The following JMJD1C variants were observed in gnomAD, a reference collection of about 807,000 sequenced individuals.
JMJD1C encodes the protein jumonji domain-containing protein 1C.
In JMJD1C, 31 loss-of-function variants were observed where a neutral mutation model predicts 245.3. The observed-to-expected ratio is 0.13, with a 90% CI of 0.09 to 0.17. JMJD1C has a LOEUF of 0.17. Among genes scored for constraint, JMJD1C ranks in the 10% least tolerant of loss-of-function variants. JMJD1C has a pLI of 1.00. For synonymous variants in JMJD1C, 1,057 were observed against 1,017.4 expected (o/e 1.04, Z -0.74); for missense variants, 2,691 against 3,000.2 (o/e 0.90, Z 2.41).
chr10:63,469,549 G>A (rs1357411121), upstream of JMJD1C, among the ~76,000 whole-genome samples: 1 of 152,012 alleles, frequency 6.6e-6, no homozygotes, highest in Non-Finnish European at 1.5e-5. Flanking sequence ...TTACTATGTG[G>A]GTCACATCCT....
At chr10:63,173,353 G>C (rs1331144571) in intron 24 of JMJD1C, among the ~76,000 whole-genome samples, 1 of 152,080 alleles carries the variant, frequency 6.6e-6, no homozygotes, top group African/African-American at 2.4e-5. Context: ...GTGATCTTGG[G>C]CTAGGCAACA....
At chr10:63,333,902 G>GT (rs1310630104) in intron 2 of JMJD1C, among the ~76,000 whole-genome samples, 2 of 151,998 alleles carry the variant, frequency 1.3e-5, no homozygotes, top group African/African-American at 4.8e-5. Context: ...CAAAATATCT[G>GT]TATCTATAGA....
intron 24 of JMJD1C, among the ~76,000 whole-genome samples, chr10:63,174,569 C>T (rs1294576941): frequency 6.6e-6 from 1 of 152,168 alleles, no homozygotes; most frequent in Non-Finnish European, 1.5e-5. Context: ...CATGGTGGCT[C>T]ATGCCTGTAA....
chr10:63,308,461 G>C (rs1395074693), intron 2 of JMJD1C, among the ~76,000 whole-genome samples: 1 of 151,880 alleles, frequency 6.6e-6, no homozygotes, highest in Non-Finnish European at 1.5e-5. Flanking sequence ...AAATTTAAAG[G>C]GTCCACGAAC....
At chr10:63,245,565 C>A (rs1852102053) in intron 3 of JMJD1C, among the ~76,000 whole-genome samples, 1 of 144,616 alleles carries the variant, frequency 6.9e-6, no homozygotes, top group African/African-American at 2.5e-5. Context: ...TCACTGCAAT[C>A]TCTGCCTCCC....
chr10:63,467,575 C>T (rs997671098), upstream of JMJD1C, among the ~76,000 whole-genome samples: 2 of 152,222 alleles, frequency 1.3e-5, no homozygotes, highest in African/African-American at 4.8e-5. Flanking sequence ...CCCAAAAATG[C>T]ATATCGGCAA....
intron 24 of JMJD1C, among the ~76,000 whole-genome samples, chr10:63,170,108 G>A (rs1462501321): frequency 1.3e-5 from 2 of 152,120 alleles, no homozygotes; most frequent in African/African-American, 2.4e-5. Flanking sequence ...AAAATCATTT[G>A]TAGCTCCAAA....
At chr10:63,304,369 C>T (rs1937711136) in intron 2 of JMJD1C, among the ~76,000 whole-genome samples, 1 of 151,954 alleles carries the variant, frequency 6.6e-6, no homozygotes, top group African/African-American at 2.4e-5. Flanking sequence ...TTGCTGGCTA[C>T]ATCTGAGAGA....
At chr10:63,403,917 T>C (rs769719638) in intron 1 of JMJD1C, among the ~76,000 whole-genome samples, 10 of 150,202 alleles carry the variant, frequency 6.7e-5, no homozygotes, top group East Asian at 2.0e-4. Context: ...GCCTGGGCGA[T>C]AGAGTGAGAC....
intron 1 of JMJD1C, among the ~76,000 whole-genome samples, chr10:63,426,401 A>G (rs1168171230): frequency 2.6e-5 from 4 of 152,082 alleles, no homozygotes; most frequent in Admixed American, 2.6e-4. Flanking sequence ...TTACTACTAC[A>G]CAGTAAATAT....
At chr10:63,491,071 G>A (rs1043696464) in intron 1 of JMJD1C, among the ~76,000 whole-genome samples, 2 of 152,164 alleles carry the variant, frequency 1.3e-5, no homozygotes, top group African/African-American at 4.8e-5. Flanking sequence ...TTGCCCTGTG[G>A]TCACACAATT....
At position 63,326,407 on chromosome 10, in the gene JMJD1C, AAT is replaced by A. The variant is rs1941513434; in HGVS notation, c.333+53909_333+53910del. On this transcript the variant is annotated intron_variant, in intron 2 of 25. Transcript: ENST00000399262. ...AAATAAATAAATAAATAAATAAATA[AAT>A]AAATAAATAAATAAATAAAGATAAT... 2.0e-5 allele frequency among the ~76,000 whole-genome samples: 3 copies of A among 150,436 alleles called. No individual in the cohort carries two copies. The South Asian group carries it at 6.2e-4, about 31-fold the overall frequency.
At position 63,309,494 on chromosome 10, in the gene JMJD1C, CAAAAAAAA is replaced by C. The variant is rs71025153; in HGVS notation, c.334-44738_334-44731del. Among the ~76,000 whole-genome samples the C allele has an allele frequency of 4.0e-4, 20 of 49,424 alleles. No individual in the cohort carries two copies. In the East Asian group the frequency reaches 0.013, roughly 33 times the overall value. 32.4% of individuals were successfully genotyped at this position (49,424 alleles called of 152,430 possible). A position where few individuals can be genotyped will look rare whatever the true frequency, so the allele number is the denominator to read the frequency against. On this transcript the variant is annotated intron_variant, in intron 2 of 25. Coordinates refer to ENST00000399262, the MANE Select transcript of JMJD1C (RefSeq NM_032776.3). Reference sequence around the variant, plus strand: ...AAGCAACAAGAGCGAGACTCCATCTCAAAAAAAAAAAAAAAAAAAAAAAAGGAATAAAG... The same window carrying C: ...AAGCAACAAGAGCGAGACTCCATCTCAAAAAAAAAAAAAAAAGGAATAAAG...
chr10:63,386,011 GA>G (rs1331224771), intron 1 of JMJD1C, among the ~76,000 whole-genome samples: 1 of 151,958 alleles, frequency 6.6e-6, no homozygotes, highest in Non-Finnish European at 1.5e-5. Flanking sequence ...GTTCACAAAT[GA>G]AAAGATTCAC....
intron 3 of JMJD1C, among the ~76,000 whole-genome samples, chr10:63,234,189 G>A (rs2133419699): frequency 6.6e-6 from 1 of 152,156 alleles, no homozygotes; most frequent in Middle Eastern, 3.4e-3. Context: ...AGTCTAGCAT[G>A]GGTAACATGA....
Position 63,305,629 on chromosome 10 carries a change from C to CGTGTGTGTGTGTGTGTGTGT in JMJD1C, c.334-40885_334-40866dup, listed in dbSNP as rs36038855. 6.2e-3 allele frequency among the ~76,000 whole-genome samples: 754 copies of CGTGTGTGTGTGTGTGTGTGT among 121,746 alleles called. 19 individuals are homozygous for CGTGTGTGTGTGTGTGTGTGT. The highest frequency in any genetic ancestry group is 8.3e-3 in the Non-Finnish European group (477 of 57,394). The allele number at this position is 121,746 out of a possible 152,430, so 79.9% of individuals were successfully genotyped here. A position where few individuals can be genotyped will look rare whatever the true frequency, so the allele number is the denominator to read the frequency against. ...CTACGGGCAAGCACCACCATGCTGG[C>CGTGTGTGTGTGTGTGTGTGT]GTGTGTGTGTGTGTGTGTGTGTGTG... is the stretch of plus-strand genomic sequence containing the variant. On this transcript the variant is annotated intron_variant, in intron 2 of 25. Transcript: ENST00000399262.
chr10:63,289,839 T>C (rs527496081), intron 2 of JMJD1C, among the ~76,000 whole-genome samples: 1 of 152,218 alleles, frequency 6.6e-6, no homozygotes, highest in African/African-American at 2.4e-5. Flanking sequence ...AATTATGGCA[T>C]TTTAGAAAGG....
chr10:63,332,149 T>C (rs549180157), intron 2 of JMJD1C, among the ~76,000 whole-genome samples: 6 of 152,286 alleles, frequency 3.9e-5, no homozygotes, highest in Non-Finnish European at 7.4e-5. Context: ...TATATTAACA[T>C]TGACTAGATG....
chr10:63,504,075 T>C (rs1954644350), intron 1 of JMJD1C, among the ~76,000 whole-genome samples: 1 of 152,236 alleles, frequency 6.6e-6, no homozygotes. Flanking sequence ...TGAGGTATAC[T>C]ACATAAAATG....
Sources: gnomAD v4.1 joint callset for allele counts (sites outside exome capture counted in the v4.1 genomes callset) on GRCh38, gnomAD v4.1.1 for gene constraint, MANE v1.5 for transcripts, NCBI Gene and HGNC (gene_info 2026-07-23, HGNC 2026-07-21) for gene names.